Variants in KCNN2 observed in about 807,000 individuals in gnomAD.
KCNN2 encodes the protein small conductance calcium-activated potassium channel protein 2.
A neutral mutation model predicts 55.5 loss-of-function variants in KCNN2; 24 were observed. The observed-to-expected ratio is 0.43, with a 90% CI of 0.31 to 0.61. The LOEUF (loss-of-function observed/expected upper bound fraction) is 0.61. Ranked by LOEUF, KCNN2 falls within the 20% of genes least tolerant of loss-of-function variation. The pLI, the probability that KCNN2 is intolerant of heterozygous loss-of-function variation, is 0.08. For synonymous variants in KCNN2, 431 were observed against 336.1 expected, an observed-to-expected ratio of 1.28 and a Z score of -3.09; for missense variants, 754 against 853.6, an observed-to-expected ratio of 0.88 and a Z score of 1.45.
chr5:114,300,086 G>A (rs1289297748), intron 2 of KCNN2, among the ~76,000 whole-genome samples: 1 of 151,818 alleles, frequency 6.6e-6, no homozygotes, highest in East Asian at 1.9e-4. Context: ...ATAGTCAGAC[G>A]CTCCTTTCCC....
intron 1 of KCNN2, among the ~76,000 whole-genome samples, chr5:114,155,975 T>C (rs1315004092): frequency 2.6e-5 from 4 of 152,196 alleles, no homozygotes; most frequent in Admixed American, 1.3e-4. Flanking sequence ...TCCCTAATAG[T>C]ATTACCTAGG....
intron 1 of KCNN2, among the ~76,000 whole-genome samples, chr5:114,166,409 G>A (rs927255754): frequency 6.6e-6 from 1 of 152,126 alleles, no homozygotes; most frequent in Non-Finnish European, 1.5e-5. Context: ...GTATGTCTCT[G>A]ATCAACTTAC....
chr5:114,289,995 A>C (rs1755848413), intron 2 of KCNN2, among the ~76,000 whole-genome samples: 1 of 152,086 alleles, frequency 6.6e-6, no homozygotes, highest in African/African-American at 2.4e-5. Context: ...ACACAACTGT[A>C]CTGTGTTTTG....
intron 1 of KCNN2, among the ~76,000 whole-genome samples, chr5:114,110,588 G>A (rs574955591): frequency 1.3e-5 from 2 of 152,128 alleles, no homozygotes; most frequent in South Asian, 2.1e-4. Flanking sequence ...CTTACTTTCA[G>A]TTTCCTTTTT....
intron 2 of KCNN2, among the ~76,000 whole-genome samples, chr5:114,395,393 A>T (rs991301640): frequency 1.3e-5 from 2 of 152,164 alleles, no homozygotes; most frequent in African/African-American, 4.8e-5. Context: ...GTTACTTTAG[A>T]CCTCTGGCCA....
At chr5:114,493,706 G>A (rs1035287055) in intron 7 of KCNN2, among the ~76,000 whole-genome samples, 9 of 152,136 alleles carry the variant, frequency 5.9e-5, no homozygotes, top group African/African-American at 2.2e-4. Context: ...CCTAGTTACA[G>A]TGATTTGGAA....
intron 1 of KCNN2, among the ~76,000 whole-genome samples, chr5:114,212,267 T>C (rs530270254): frequency 7.9e-5 from 12 of 152,106 alleles, no homozygotes; most frequent in Admixed American, 2.6e-4. Flanking sequence ...CTTGAAAACA[T>C]TGTGTTAAGT....
chr5:114,094,764 A>G (rs1418542463), intron 1 of KCNN2, among the ~76,000 whole-genome samples: 1 of 152,122 alleles, frequency 6.6e-6, no homozygotes, highest in African/African-American at 2.4e-5. Flanking sequence ...GATCTGTTGC[A>G]TACTTCCCTG....
chr5:114,157,236 A>G (rs1226290637), intron 1 of KCNN2, among the ~76,000 whole-genome samples: 15 of 142,596 alleles, frequency 1.1e-4, no homozygotes, highest in Admixed American at 7.0e-4. Context: ...TTTCCCACCT[A>G]TGAGTGAGAA....
intron 1 of KCNN2, among the ~76,000 whole-genome samples, chr5:114,134,458 G>GATTGATTGATTGATTT (rs1452509272): frequency 6.6e-5 from 9 of 137,364 alleles, no homozygotes; most frequent in African/African-American, 1.4e-4. Flanking sequence ...ATCCAACCAT[G>GATTGATTGATTGATTT]ATTTATTTAT....
rs115372638 is a variant in KCNN2 at position 114,383,418 on chromosome 5, G to T, written c.1218+19417G>T. ...TGAATATGGTCTTAGAGGGGAAGGTGAGGCAAAGGGAAGATGCTAGAAGAC... is the reference window on the plus strand; with the variant it reads ...TGAATATGGTCTTAGAGGGGAAGGTTAGGCAAAGGGAAGATGCTAGAAGAC... On this transcript the variant is annotated intron_variant, in intron 2 of 7. Transcript: ENST00000673685. Among the ~76,000 whole-genome samples, 431 of 150,914 alleles carry T rather than the reference G, an allele frequency of 2.9e-3. 3 individuals carry two copies. The highest frequency in any genetic ancestry group is 9.6e-3 in the African/African-American group (393 of 41,100).
chr5:114,195,633 T>G (rs915070050), intron 1 of KCNN2, among the ~76,000 whole-genome samples: 2 of 152,018 alleles, frequency 1.3e-5, no homozygotes, highest in East Asian at 1.9e-4. Context: ...TGAAGAGAGA[T>G]AGTTTTACTT....
chr5:114,296,579 A>G (rs1176365090), intron 2 of KCNN2, among the ~76,000 whole-genome samples: 2 of 152,210 alleles, frequency 1.3e-5, no homozygotes, highest in African/African-American at 4.8e-5. Flanking sequence ...GAATATTTAC[A>G]AGAAATTGGG....
At chr5:114,159,597 C>T (rs1288326956) in intron 1 of KCNN2, among the ~76,000 whole-genome samples, 1 of 152,116 alleles carries the variant, frequency 6.6e-6, no homozygotes, top group Non-Finnish European at 1.5e-5. Flanking sequence ...CCTCCTTGTA[C>T]CTCTGGTAGA....
intron 1 of KCNN2, among the ~76,000 whole-genome samples, chr5:114,220,996 C>A (rs1274817152): frequency 6.6e-6 from 1 of 152,174 alleles, no homozygotes; most frequent in Non-Finnish European, 1.5e-5. Context: ...GAAGACAGTT[C>A]TCATACAGTG....
At chr5:114,384,516 C>T (rs1284380979) in intron 2 of KCNN2, among the ~76,000 whole-genome samples, 2 of 152,166 alleles carry the variant, frequency 1.3e-5, no homozygotes, top group Non-Finnish European at 2.9e-5. Flanking sequence ...AAGTGTGCTT[C>T]ACTCTGGGAT....
At chr5:114,429,784 G>C (rs978051388) in intron 3 of KCNN2, among the ~76,000 whole-genome samples, 1 of 135,168 alleles carries the variant, frequency 7.4e-6, no homozygotes, top group East Asian at 2.2e-4. Flanking sequence ...GGGTTTTTTT[G>C]TGGGTAGAAA....
chr5:114,487,270 G>T, intron 6 of KCNN2, 93 bp downstream of exon 6: 7 of 1,141,072 alleles, frequency 6.1e-6, no homozygotes, highest in Non-Finnish European at 8.9e-6. Flanking sequence ...AAGGAAAAAA[G>T]AAAACATTGT....
intron 2 of KCNN2, among the ~76,000 whole-genome samples, chr5:114,249,484 A>C (rs1242400544): frequency 6.6e-6 from 1 of 151,628 alleles, no homozygotes; most frequent in Admixed American, 6.6e-5. Context: ...ATGAGGTTTC[A>C]CCATGTTGGC....
Sources: gnomAD v4.1 joint callset for allele counts (sites outside exome capture counted in the v4.1 genomes callset) on GRCh38, gnomAD v4.1.1 for gene constraint, MANE v1.5 for transcripts, NCBI Gene and HGNC (gene_info 2026-07-23, HGNC 2026-07-21) for gene names.